The following EPB41L3 variants were observed in gnomAD, a reference collection of about 807,000 sequenced individuals.
EPB41L3 encodes erythrocyte membrane protein band 4.1 like 3.
Under a neutral mutation model 127.1 loss-of-function variants are expected in EPB41L3, and 57 were observed. The observed-to-expected ratio is 0.45, with a 90% CI of 0.36 to 0.56. EPB41L3 has a LOEUF of 0.56. Ranked by LOEUF, EPB41L3 falls within the 20% of genes least tolerant of loss-of-function variation. The pLI, the probability that EPB41L3 is intolerant of heterozygous loss-of-function variation, is 0.00. For missense variants in EPB41L3, 1,273 were observed against 1,372.2 expected (o/e 0.93, Z 1.14); for synonymous variants, 572 against 549.5 (o/e 1.04, Z -0.57).
intron 5 of EPB41L3, 100 bp downstream of exon 5, chr18:5,443,738 T>C (rs2081102768): frequency 3.5e-6 from 3 of 856,254 alleles, no homozygotes; most frequent in East Asian, 5.1e-5. Context: ...TAAGAAAAGC[T>C]TGTATTCACA....
intron 2 of EPB41L3, among the ~76,000 whole-genome samples, chr18:5,485,465 T>A (rs1349842238): frequency 6.6e-6 from 1 of 151,980 alleles, no homozygotes; most frequent in Non-Finnish European, 1.5e-5. Context: ...TTCAGTATTA[T>A]ACAACATAAT....
intron 2 of EPB41L3, among the ~76,000 whole-genome samples, chr18:5,481,649 C>T (rs1296015500): frequency 1.3e-5 from 2 of 152,214 alleles, no homozygotes; most frequent in African/African-American, 4.8e-5. Context: ...CAGTCCTGGA[C>T]ACTCTGCTCT....
intron 3 of EPB41L3, among the ~76,000 whole-genome samples, chr18:5,552,754 T>C (rs572438954): frequency 6.6e-6 from 1 of 152,226 alleles, no homozygotes; most frequent in South Asian, 2.1e-4. Flanking sequence ...CCCTCCAAGG[T>C]AGAATCTATT....
At chr18:5,394,654 A>C in intron 22 of EPB41L3, 23 bp downstream of exon 22, 1 of 1,589,768 alleles carries the variant, frequency 6.3e-7, no homozygotes, top group Non-Finnish European at 8.6e-7. Context: ...AGGCAAGCCT[A>C]GAGAATCGGC....
intron 6 of EPB41L3, among the ~76,000 whole-genome samples, chr18:5,436,394 A>AT (rs2079800119): frequency 7.2e-6 from 1 of 138,804 alleles, no homozygotes; most frequent in Non-Finnish European, 1.6e-5. Flanking sequence ...CATGCACTAC[A>AT]TTTTCTTTCT....
rs947434713 is a variant in EPB41L3 at position 5,593,575 on chromosome 18, T to C, written c.-306+18765A>G. Among the ~76,000 whole-genome samples, 5 of 152,108 alleles carry C rather than the reference T, an allele frequency of 3.3e-5. 1 individual carries two copies. The highest frequency in any genetic ancestry group is 1.2e-4 in the African/African-American group (5 of 41,396). ...GCGAAATTAAAATTGCTAATGAAGT[T>C]TCAGGCACCATTGTCATTGAAAACA... On this transcript the variant is annotated intron_variant, in intron 3 of 21. Transcript: ENST00000545076.
chr18:5,630,253 T>C, upstream of EPB41L3: 1 of 413,714 alleles, frequency 2.4e-6, no homozygotes, highest in South Asian at 1.8e-5. Flanking sequence ...GCCTCGCCCC[T>C]TCCTCGCTTT....
In EPB41L3 at chr18:5,543,242, G is replaced by A. The variant is rs1047813684; in HGVS notation, c.-12+671C>T. On this transcript the variant is annotated intron_variant, in intron 1 of 22. Transcript: ENST00000341928. The surrounding 1 kb of genome is among the most constrained non-coding windows in gnomAD (Gnocchi z 5.2). The stretch of plus-strand genomic sequence containing the variant: ...CGGCCGGGGGCCGCTGCCCCAGTTT[G>A]GGGAACGAGGCAAGTTATATAAAAG... 3 of 151,320 alleles carry A rather than the reference G, an allele frequency of 2.0e-5. No homozygotes were observed. The highest frequency in any genetic ancestry group is 7.2e-5 in the African/African-American group (3 of 41,448). 9.4% of individuals were successfully genotyped at this position (151,320 alleles called of 1,614,324 possible). A position where few individuals can be genotyped will look rare whatever the true frequency, so the allele number is the denominator to read the frequency against.
chr18:5,561,670 C>T (rs759347644), intron 3 of EPB41L3, among the ~76,000 whole-genome samples: 3 of 152,140 alleles, frequency 2.0e-5, no homozygotes, highest in East Asian at 1.9e-4. Context: ...TGAATGCTAA[C>T]GTTAGTGGTT....
At chr18:5,511,774 T>G (rs2092540314) in intron 1 of EPB41L3, among the ~76,000 whole-genome samples, 1 of 151,672 alleles carries the variant, frequency 6.6e-6, no homozygotes. Context: ...TGATCCCCAG[T>G]GCTTAGTTCC....
At chr18:5,602,490 G>A (rs1333663983) in intron 3 of EPB41L3, among the ~76,000 whole-genome samples, 1 of 152,160 alleles carries the variant, frequency 6.6e-6, no homozygotes, top group South Asian at 2.1e-4. Context: ...GTCTCATTCT[G>A]TTGCCCAGGC....
chr18:5,532,268 T>C (rs1443341128), intron 1 of EPB41L3, among the ~76,000 whole-genome samples: 4 of 152,230 alleles, frequency 2.6e-5, no homozygotes. Context: ...CTCATCCCCT[T>C]GTTTAAAATA....
intron 6 of EPB41L3, among the ~76,000 whole-genome samples, chr18:5,435,864 C>T (rs994341953): frequency 6.6e-6 from 1 of 152,044 alleles, no homozygotes; most frequent in Non-Finnish European, 1.5e-5. Flanking sequence ...TTTATAATAA[C>T]ACAATTTCTC....
chr18:5,504,841 C>A (rs1032638103), intron 1 of EPB41L3, among the ~76,000 whole-genome samples: 2 of 152,140 alleles, frequency 1.3e-5, no homozygotes, highest in Admixed American at 6.5e-5. Flanking sequence ...ACACGAGCTT[C>A]AACAGTCATG....
intron 3 of EPB41L3, among the ~76,000 whole-genome samples, chr18:5,598,071 G>A (rs2094554092): frequency 6.6e-6 from 1 of 152,114 alleles, no homozygotes; most frequent in South Asian, 2.1e-4. Flanking sequence ...CTTGAAAGTA[G>A]GCCTCATCTT....
In EPB41L3 at chr18:5,392,562, G is replaced by A. The variant is rs368268009; in HGVS notation, c.*923C>T. The A allele has an allele frequency of 6.6e-6, 1 of 152,544 alleles. No homozygotes were observed. Among genetic ancestry groups the A allele is most frequent in the Non-Finnish European group, 1.5e-5 (1 of 68,038 alleles). 9.4% of individuals were successfully genotyped at this position (152,544 alleles called of 1,614,324 possible). On this transcript the variant is annotated 3_prime_UTR_variant, in exon 23 of 23. Transcript: ENST00000341928. The stretch of plus-strand genomic sequence containing the variant: ...CAGTTTAAGGCTTGGCTCTGAACTA[G>A]AATGTAAATATGGACCAGATTTGAA...
At chr18:5,535,374 TTTC>T (rs747567769) in intron 1 of EPB41L3, among the ~76,000 whole-genome samples, 31 of 152,286 alleles carry the variant, frequency 2.0e-4, no homozygotes, top group Non-Finnish European at 4.3e-4. Flanking sequence ...GAGGAAAAGT[TTTC>T]CAGACTTCTT....
rs757135327 is a variant in EPB41L3 at position 5,419,719 on chromosome 18, C to T, written c.1498G>A (p.Glu500Lys). The T allele has an allele frequency of 2.5e-5, 40 of 1,613,960 alleles. No individual in the cohort carries two copies. Among genetic ancestry groups the T allele is most frequent in the African/African-American group, 5.3e-5 (4 of 74,940 alleles). Residue 500 changes from glutamate to lysine, a missense_variant, in exon 12 of 23, where the codon GAG becomes AAG. By Grantham distance (56) the Glu-to-Lys change is moderately conservative. This residue lies in a region of EPB41L3 where 765 missense variants were observed against 782.9 expected (regional missense o/e 0.98). Transcript: ENST00000341928. ...CAGTCTGGGAGCTATACCTTTCCCT[C>T]GTGCCGGATGGCCGAGATGGGCGTG... ...EVTPISAIRH[E>K]GKSPGLGTDS...
intron 9 of EPB41L3, among the ~76,000 whole-genome samples, chr18:5,427,747 G>A (rs1418063936): frequency 6.6e-6 from 1 of 152,034 alleles, no homozygotes; most frequent in Non-Finnish European, 1.5e-5. Context: ...TAATGATACT[G>A]GAATTTTTTT....
Sources: allele counts gnomAD v4.1 joint callset (sites outside exome capture counted in the v4.1 genomes callset), GRCh38; gene constraint gnomAD v4.1.1; regional missense constraint gnomAD v4.1.1; non-coding constraint Gnocchi (gnomAD v3.1); transcripts MANE v1.5; gene names NCBI Gene and HGNC (gene_info 2026-07-23, HGNC 2026-07-21).